Variants in SGCZ observed in about 807,000 individuals in gnomAD.
SGCZ encodes the protein zeta-sarcoglycan.
A neutral mutation model predicts 41.3 loss-of-function variants in SGCZ; 40 were observed. The ratio of observed to expected loss-of-function variants is 0.97; its 90% confidence interval spans 0.75 to 1.26. The LOEUF is 1.26. SGCZ is among the 50% of genes most tolerant of loss of function. The probability of loss-of-function intolerance (pLI) is 0.00; values close to 1 mark genes in which losing one functional copy is unlikely to be tolerated. For missense variants in SGCZ, 552 were observed against 369.8 expected (o/e 1.49, Z -4.04); for synonymous variants, 206 against 137.5 (o/e 1.50, Z -3.49).
intron 4 of SGCZ, among the ~76,000 whole-genome samples, chr8:14,216,049 G>A (rs1216109874): frequency 6.6e-6 from 1 of 152,184 alleles, no homozygotes; most frequent in Non-Finnish European, 1.5e-5. Flanking sequence ...ATTCAGCACA[G>A]ATTTAATGAC....
At chr8:14,850,864 G>A (rs1440564624) in intron 1 of SGCZ, among the ~76,000 whole-genome samples, 3 of 152,154 alleles carry the variant, frequency 2.0e-5, no homozygotes, top group African/African-American at 7.2e-5. Flanking sequence ...ACCTTCTGAA[G>A]AAGATGCCTT....
At chr8:14,130,861 A>C (rs1803019994) in intron 5 of SGCZ, among the ~76,000 whole-genome samples, 1 of 152,180 alleles carries the variant, frequency 6.6e-6, no homozygotes, top group Non-Finnish European at 1.5e-5. Context: ...TAAGCAAGCA[A>C]GCAACATGGT....
At chr8:14,380,288 T>C (rs1173791890) in intron 2 of SGCZ, among the ~76,000 whole-genome samples, 1 of 152,228 alleles carries the variant, frequency 6.6e-6, no homozygotes, top group Non-Finnish European at 1.5e-5. Context: ...CTTTCTTTCA[T>C]TTCTTTGATG....
chr8:14,988,992 G>C (rs981572588), intron 1 of SGCZ, among the ~76,000 whole-genome samples: 7 of 151,988 alleles, frequency 4.6e-5, no homozygotes, highest in Non-Finnish European at 7.4e-5. Context: ...TATTTAATAG[G>C]CTCTTAAAAA....
chr8:14,201,823 A>T (rs1805465138), intron 4 of SGCZ, among the ~76,000 whole-genome samples: 1 of 152,104 alleles, frequency 6.6e-6, no homozygotes, highest in African/African-American at 2.4e-5. Flanking sequence ...TGACAATTTC[A>T]AGATTATCAG....
chr8:14,182,756 C>T (rs7013907), intron 4 of SGCZ, among the ~76,000 whole-genome samples: 69,989 of 151,944 alleles, frequency 0.46, 17,305 homozygotes, highest in South Asian at 0.74. Context: ...TGCCTATAAT[C>T]CCAGCACTTT....
intron 1 of SGCZ, among the ~76,000 whole-genome samples, chr8:14,593,455 C>T (rs959825833): frequency 2.6e-5 from 4 of 152,130 alleles, no homozygotes; most frequent in Non-Finnish European, 2.9e-5. Flanking sequence ...TGTTTTAAGT[C>T]ACTAAGTTTG....
intron 4 of SGCZ, among the ~76,000 whole-genome samples, chr8:14,236,807 ACTT>A (rs998424519): frequency 2.0e-5 from 3 of 151,786 alleles, no homozygotes; most frequent in Middle Eastern, 6.4e-3. Context: ...ATTACAAATT[ACTT>A]CTTATTTGCC....
At chr8:15,134,997 G>C (rs1808054624) in intron 1 of SGCZ, among the ~76,000 whole-genome samples, 1 of 152,250 alleles carries the variant, frequency 6.6e-6, no homozygotes, top group East Asian at 1.9e-4. Context: ...CAATTTGCTA[G>C]ACTTTTGCTC....
intron 3 of SGCZ, among the ~76,000 whole-genome samples, chr8:14,245,040 C>T (rs1268163087): frequency 6.6e-6 from 1 of 152,146 alleles, no homozygotes; most frequent in Non-Finnish European, 1.5e-5. Context: ...CATCTGCAAA[C>T]TGGGACAATT....
chr8:15,237,267 A>G (rs1802161456), intron 1 of SGCZ, among the ~76,000 whole-genome samples: 1 of 148,400 alleles, frequency 6.7e-6, no homozygotes, highest in South Asian at 2.1e-4. Context: ...CCCCGGGGAG[A>G]CGAGCCGGCA....
intron 1 of SGCZ, among the ~76,000 whole-genome samples, chr8:14,840,002 G>T (rs10089784): frequency 0.59 from 89,946 of 151,692 alleles, 27,484 homozygotes; most frequent in East Asian, 0.8. Flanking sequence ...TTGTGCCTTT[G>T]TTTTTACACC....
chr8:14,928,235 T>C (rs1435265301), intron 1 of SGCZ, among the ~76,000 whole-genome samples: 1 of 152,204 alleles, frequency 6.6e-6, no homozygotes, highest in East Asian at 1.9e-4. Flanking sequence ...TTACATAAAA[T>C]ATTTCAATCA....
At chr8:15,205,795 A>G (rs911142570) in intron 1 of SGCZ, among the ~76,000 whole-genome samples, 10 of 152,192 alleles carry the variant, frequency 6.6e-5, no homozygotes, top group African/African-American at 2.4e-4. Flanking sequence ...TCATTTTACC[A>G]TAAAGACACA....
chr8:14,090,508 A>G lies in SGCZ; in HGVS notation c.874T>C (p.Tyr292His), dbSNP rs1801654796. The G allele has an allele frequency of 6.2e-7, 1 of 1,613,098 alleles. No homozygotes were observed. Among genetic ancestry groups the G allele is most frequent in the Non-Finnish European group, 8.5e-7 (1 of 1,179,388 alleles). Reference protein sequence around the residue: ...ELCVCPNGKLYLSPAGVGSTC... With the variant: ...ELCVCPNGKLHLSPAGVGSTC... Reference sequence around the variant, plus strand: ...GAACCTACTCCTGCTGGAGAAAGGTAAAGTTTGCCATTGGGGCAGACGCAG... The same window carrying G: ...GAACCTACTCCTGCTGGAGAAAGGTGAAGTTTGCCATTGGGGCAGACGCAG... The change falls in exon 8 of 8, where the codon TAC becomes CAC. Residue 292 changes from tyrosine to histidine, a missense_variant. Physicochemically the swap from Tyr to His is moderately conservative, Grantham distance 83 (BLOSUM62 2). Coordinates refer to ENST00000382080, the MANE Select transcript of SGCZ (RefSeq NM_139167.4).
At chr8:14,682,455 G>A (rs1442384010) in intron 1 of SGCZ, among the ~76,000 whole-genome samples, 1 of 127,400 alleles carries the variant, frequency 7.8e-6, no homozygotes, top group Non-Finnish European at 1.7e-5. Flanking sequence ...TTTTTTTTGA[G>A]ACAGAGTCTT....
At chr8:15,012,800 T>TAC (rs1287544597) in intron 1 of SGCZ, among the ~76,000 whole-genome samples, 2 of 149,210 alleles carry the variant, frequency 1.3e-5, no homozygotes, top group African/African-American at 4.9e-5. Context: ...TGTGTGTGCA[T>TAC]ATATATATAT....
intron 2 of SGCZ, among the ~76,000 whole-genome samples, chr8:14,473,968 A>C (rs67072330): frequency 0.21 from 31,083 of 151,592 alleles, 3,897 homozygotes; most frequent in Non-Finnish European, 0.29. Flanking sequence ...TATGAAAAAT[A>C]ATATCTTTAA....
At chr8:14,366,379 C>A (rs1478257276) in intron 2 of SGCZ, among the ~76,000 whole-genome samples, 3 of 152,074 alleles carry the variant, frequency 2.0e-5, no homozygotes, top group African/African-American at 2.4e-5. Context: ...ACCATCCGAT[C>A]TTGTAAGAAT....
Sources: allele counts gnomAD v4.1 joint callset (sites outside exome capture counted in the v4.1 genomes callset), GRCh38; gene constraint gnomAD v4.1.1; transcripts MANE v1.5; gene names NCBI Gene and HGNC (gene_info 2026-07-23, HGNC 2026-07-21).